The following RBFOX1 variants were observed in gnomAD, a reference collection of about 807,000 sequenced individuals.
RBFOX1 encodes the protein RNA binding fox-1 homolog 1.
Under a neutral mutation model 57.7 loss-of-function variants are expected in RBFOX1, and 8 were observed. The ratio of observed to expected loss-of-function variants is 0.14; its 90% CI spans 0.08 to 0.25. The LOEUF (loss-of-function observed/expected upper bound fraction) is 0.25, where lower values mean the gene tolerates loss of function less well. Among genes scored for constraint, RBFOX1 ranks in the 10% least tolerant of loss-of-function variants. The pLI is 1.00. For missense variants in RBFOX1, 611 were observed against 548.5 expected (o/e 1.11, Z -1.14); for synonymous variants, 326 against 222.4 (o/e 1.47, Z -4.15).
rs537667369 is a variant in RBFOX1 at position 6,796,370 on chromosome 16, A to G, written c.-16+141720A>G. On this transcript the variant is annotated intron_variant, in intron 3 of 15. Transcript: ENST00000550418. Reference sequence around the variant, plus strand: ...ACACAGCCAAACCATATCAGTTACTATAGTCATTTTTTGGCAAAACCAAGA... The same window carrying G: ...ACACAGCCAAACCATATCAGTTACTGTAGTCATTTTTTGGCAAAACCAAGA... 6.9e-4 allele frequency among the ~76,000 whole-genome samples: 105 copies of G among 152,278 alleles called. 1 individual carries two copies. The highest frequency in any genetic ancestry group is 1.9e-3 in the African/African-American group (81 of 41,542).
chr16:7,442,425 A>G (rs1163903259), intron 4 of RBFOX1, among the ~76,000 whole-genome samples: 3 of 152,140 alleles, frequency 2.0e-5, no homozygotes, highest in African/African-American at 7.2e-5. Flanking sequence ...AACTCTGTGA[A>G]CAGACCTGCA....
chr16:6,282,504 A>G (rs538821400), intron 1 of RBFOX1, among the ~76,000 whole-genome samples: 27 of 151,868 alleles, frequency 1.8e-4, no homozygotes, highest in Non-Finnish European at 2.9e-4. Context: ...CCCTGCATGC[A>G]TTAGGTATTT....
At chr16:5,505,095 C>A (rs2043335448) in intron 2 of RBFOX1, among the ~76,000 whole-genome samples, 1 of 152,138 alleles carries the variant, frequency 6.6e-6, no homozygotes. Flanking sequence ...TGGGCACTTT[C>A]AGTGGGGGAA....
intron 4 of RBFOX1, among the ~76,000 whole-genome samples, chr16:7,471,476 G>A (rs748336933): frequency 6.6e-5 from 10 of 152,104 alleles, no homozygotes; most frequent in Non-Finnish European, 1.3e-4. Context: ...CAGTCATTTA[G>A]TGTGGGTGAG....
chr16:6,292,631 G>C (rs57621245), intron 1 of RBFOX1, among the ~76,000 whole-genome samples: 29,637 of 151,954 alleles, frequency 0.2, 3,048 homozygotes, highest in African/African-American at 0.21. Flanking sequence ...GTTTTTCACT[G>C]TGGAAAATTT....
At chr16:5,521,888 C>T (rs183614103) in intron 2 of RBFOX1, among the ~76,000 whole-genome samples, 2 of 152,096 alleles carry the variant, frequency 1.3e-5, no homozygotes, top group Non-Finnish European at 2.9e-5. Flanking sequence ...TCATGAGTGC[C>T]CAGGACATGT....
intron 3 of RBFOX1, among the ~76,000 whole-genome samples, chr16:6,734,469 T>C (rs995349797): frequency 1.3e-5 from 2 of 152,192 alleles, no homozygotes; most frequent in African/African-American, 2.4e-5. Flanking sequence ...GTCATGGTAT[T>C]GCCTCATTAC....
intron 2 of RBFOX1, among the ~76,000 whole-genome samples, chr16:6,453,054 A>T (rs896355020): frequency 6.6e-6 from 1 of 152,152 alleles, no homozygotes; most frequent in South Asian, 2.1e-4. Context: ...TTCCACAGGT[A>T]TGTATTGTAC....
intron 4 of RBFOX1, among the ~76,000 whole-genome samples, chr16:7,450,494 A>C (rs1014200210): frequency 6.6e-6 from 1 of 151,832 alleles, no homozygotes; most frequent in African/African-American, 2.4e-5. Flanking sequence ...GTTAACTCGT[A>C]AGGATTTGAA....
At chr16:5,794,732 G>T (rs1213954888) in intron 3 of RBFOX1, among the ~76,000 whole-genome samples, 2 of 152,152 alleles carry the variant, frequency 1.3e-5, no homozygotes, top group Non-Finnish European at 1.5e-5. Context: ...TAAAGCTGAG[G>T]TTCCTAATGT....
At chr16:5,362,499 A>T (rs540885382) in intron 1 of RBFOX1, among the ~76,000 whole-genome samples, 1 of 152,184 alleles carries the variant, frequency 6.6e-6, no homozygotes, top group South Asian at 2.1e-4. Flanking sequence ...AGTAGCTGGG[A>T]TTACAGGCAT....
chr16:5,519,860 T>A (rs577332931), intron 2 of RBFOX1, among the ~76,000 whole-genome samples: 1 of 152,256 alleles, frequency 6.6e-6, no homozygotes, highest in Admixed American at 6.5e-5. Flanking sequence ...CATTTATTCA[T>A]GAATGCATTC....
chr16:6,038,539 T>TATATATATATATCATCC (rs1039354968), intron 1 of RBFOX1: 1 of 146,022 alleles, frequency 6.8e-6, no homozygotes, highest in Admixed American at 6.9e-5. Flanking sequence ...GAGATATATA[T>TATATATATATATCATCC]ATATATATAT....
intron 3 of RBFOX1, among the ~76,000 whole-genome samples, chr16:6,996,265 A>G (rs946742211): frequency 6.6e-6 from 1 of 152,192 alleles, no homozygotes; most frequent in African/African-American, 2.4e-5. Context: ...TATAAATACA[A>G]TGATATTGAG....
chr16:5,726,201 T>C (rs1000743350), intron 3 of RBFOX1, among the ~76,000 whole-genome samples: 3 of 151,982 alleles, frequency 2.0e-5, no homozygotes, highest in Non-Finnish European at 4.4e-5. Flanking sequence ...AATCAATCAG[T>C]TTTGTCATTC....
intron 1 of RBFOX1, among the ~76,000 whole-genome samples, chr16:6,172,588 C>A (rs1222332385): frequency 1.3e-5 from 2 of 152,082 alleles, no homozygotes; most frequent in African/African-American, 2.4e-5. Context: ...TGTGATGCAG[C>A]CTCAGTGGTG....
intron 2 of RBFOX1, among the ~76,000 whole-genome samples, chr16:6,459,766 T>C (rs11077040): frequency 0.35 from 53,755 of 151,498 alleles, 10,139 homozygotes; most frequent in African/African-American, 0.49. Flanking sequence ...CACCTGAGAT[T>C]GGGAGTTTGA....
intron 4 of RBFOX1, among the ~76,000 whole-genome samples, chr16:7,144,417 C>CTTCTTTT (rs3046798): frequency 0.17 from 11,362 of 67,272 alleles, 1,662 homozygotes; most frequent in Non-Finnish European, 0.2. Context: ...TTTCTTTCTT[C>CTTCTTTT]TTTTTTTTTT....
chr16:7,032,277 AAAAAC>A (rs1372108995), intron 3 of RBFOX1, among the ~76,000 whole-genome samples: 10 of 151,864 alleles, frequency 6.6e-5, no homozygotes, highest in Non-Finnish European at 1.2e-4. Context: ...AAACAAAAAC[AAAAAC>A]AAAACAAAAA....
Sources: gnomAD v4.1 joint callset for allele counts (sites outside exome capture counted in the v4.1 genomes callset) on GRCh38, gnomAD v4.1.1 for gene constraint, MANE v1.5 for transcripts, NCBI Gene and HGNC (gene_info 2026-07-23, HGNC 2026-07-21) for gene names.